The following BMPER variants were observed in gnomAD, a reference collection of about 807,000 sequenced individuals.
The protein encoded by BMPER is BMP-binding endothelial regulator protein.
Under a neutral mutation model 87.3 loss-of-function variants are expected in BMPER, and 45 were observed. The observed-to-expected ratio is 0.52, with a 90% CI of 0.41 to 0.66. The LOEUF (loss-of-function observed/expected upper bound fraction) is 0.66. BMPER is among the 30% of genes least tolerant of loss of function. The pLI, the probability that BMPER is intolerant of heterozygous loss-of-function variation, is 0.00. For missense variants in BMPER, 784 were observed against 867.5 expected (o/e 0.90, Z 1.21); for synonymous variants, 326 against 316.2 (o/e 1.03, Z -0.33).
At chr7:34,131,565 T>C (rs1790590187) in intron 13 of BMPER, among the ~76,000 whole-genome samples, 1 of 152,158 alleles carries the variant, frequency 6.6e-6, no homozygotes, top group Non-Finnish European at 1.5e-5. Context: ...TATGGAAGGA[T>C]CGGCCCCTTT....
chr7:34,141,199 C>G (rs1790857370), intron 13 of BMPER, among the ~76,000 whole-genome samples: 1 of 149,164 alleles, frequency 6.7e-6, no homozygotes, highest in South Asian at 2.2e-4. Flanking sequence ...TTTGGCTTCT[C>G]TTTGGAATTC....
At chr7:34,058,942 G>C (rs1478990070) in intron 10 of BMPER, among the ~76,000 whole-genome samples, 3 of 151,836 alleles carry the variant, frequency 2.0e-5, no homozygotes, top group African/African-American at 7.3e-5. Context: ...AACAAAAGTT[G>C]CTGTTTTTAC....
intron 6 of BMPER, among the ~76,000 whole-genome samples, chr7:34,039,800 C>T (rs1787787884): frequency 6.6e-6 from 1 of 151,984 alleles, no homozygotes; most frequent in African/African-American, 2.4e-5. Flanking sequence ...AGTGCACTGC[C>T]CTCTAGCTCT....
chr7:33,927,780 C>T (rs1015965029), intron 2 of BMPER, among the ~76,000 whole-genome samples: 2 of 152,158 alleles, frequency 1.3e-5, no homozygotes, highest in Non-Finnish European at 2.9e-5. Flanking sequence ...TTCTGAGCCC[C>T]GGATCCTACA....
At chr7:33,939,448 G>A (rs59234365) in intron 3 of BMPER, among the ~76,000 whole-genome samples, 5 of 152,026 alleles carry the variant, frequency 3.3e-5, no homozygotes, top group African/African-American at 7.2e-5. Context: ...CAACGCATTT[G>A]GGGGGAGGTC....
intron 3 of BMPER, among the ~76,000 whole-genome samples, chr7:33,962,343 C>T (rs1398033157): frequency 6.6e-6 from 1 of 152,090 alleles, no homozygotes; most frequent in Non-Finnish European, 1.5e-5. Flanking sequence ...AAAATATATA[C>T]AAAAGAAAAG....
At chr7:33,989,784 AT>A (rs1786148847) in intron 6 of BMPER, among the ~76,000 whole-genome samples, 2 of 152,128 alleles carry the variant, frequency 1.3e-5, no homozygotes, top group South Asian at 4.2e-4. Context: ...TCTTGAATTG[AT>A]TTTTGTATAA....
intron 6 of BMPER, among the ~76,000 whole-genome samples, chr7:34,023,828 AT>A (rs751949047): frequency 1.4e-4 from 22 of 152,010 alleles, no homozygotes; most frequent in Non-Finnish European, 3.2e-4. Flanking sequence ...GTTTTGGCCC[AT>A]TTTATTAAGA....
At chr7:34,034,377 G>A (rs1044243800) in intron 6 of BMPER, among the ~76,000 whole-genome samples, 1 of 152,244 alleles carries the variant, frequency 6.6e-6, no homozygotes, top group Admixed American at 6.5e-5. Flanking sequence ...CTAGAAAGTC[G>A]GAGTTCATGA....
intron 6 of BMPER, among the ~76,000 whole-genome samples, chr7:34,033,863 A>G (rs1787593095): frequency 6.6e-6 from 1 of 152,194 alleles, no homozygotes; most frequent in African/African-American, 2.4e-5. Context: ...TTAAACTTCT[A>G]TCCTTCTAGT....
intron 13 of BMPER, among the ~76,000 whole-genome samples, chr7:34,129,610 A>AGAGAGAAAG (rs1790507400): frequency 1.4e-4 from 10 of 69,664 alleles, no homozygotes; most frequent in African/African-American, 5.2e-4. Flanking sequence ...GAGAGAGAGA[A>AGAGAGAAAG]AGAGAGAGAG....
intron 13 of BMPER, among the ~76,000 whole-genome samples, chr7:34,142,187 G>C (rs1474656846): frequency 6.6e-6 from 1 of 152,170 alleles, no homozygotes; most frequent in East Asian, 1.9e-4. Flanking sequence ...ACTGGAAACT[G>C]TTAGGCAGTA....
At chr7:33,917,980 A>G (rs905014879) in intron 2 of BMPER, among the ~76,000 whole-genome samples, 5 of 152,102 alleles carry the variant, frequency 3.3e-5, no homozygotes, top group Admixed American at 2.0e-4. Flanking sequence ...TTGGGCCTCT[A>G]TAAGAAACAT....
intron 6 of BMPER, among the ~76,000 whole-genome samples, chr7:34,028,540 A>G (rs1376577697): frequency 7.1e-6 from 1 of 140,088 alleles, no homozygotes; most frequent in African/African-American, 2.6e-5. Flanking sequence ...TACTTTTCAT[A>G]TGTGATGGCA....
chr7:34,030,155 A>G (rs1787482993), intron 6 of BMPER, among the ~76,000 whole-genome samples: 1 of 152,060 alleles, frequency 6.6e-6, no homozygotes, highest in Non-Finnish European at 1.5e-5. Context: ...TCATATATAT[A>G]TAGGTGGGAA....
rs572835334 is a variant in BMPER at position 33,937,040 on chromosome 7, T to C, written c.220-249T>C. Among the ~76,000 whole-genome samples, 6 of 152,316 alleles carry C rather than the reference T, an allele frequency of 3.9e-5. No homozygotes were observed. The East Asian group carries it at 1.2e-3, about 29-fold the overall frequency. ...ACTTCTCCCTTGGCAATCGGTTATCTAGGTGAAGCTGGCTTTGTAAAGAAG... is the reference window on the plus strand; with the variant it reads ...ACTTCTCCCTTGGCAATCGGTTATCCAGGTGAAGCTGGCTTTGTAAAGAAG... On this transcript the variant is annotated intron_variant, in intron 2 of 14. Coordinates refer to ENST00000649409, the MANE Select transcript of BMPER (RefSeq NM_001365308.1).
At chr7:33,988,809 T>C (rs1786099622) in intron 6 of BMPER, among the ~76,000 whole-genome samples, 1 of 122,598 alleles carries the variant, frequency 8.2e-6, no homozygotes, top group Non-Finnish European at 1.6e-5. Flanking sequence ...TATTCCCCTT[T>C]CTGTGTCCAT....
chr7:33,971,322 G>A (rs1256710215), intron 5 of BMPER, among the ~76,000 whole-genome samples: 1 of 152,014 alleles, frequency 6.6e-6, no homozygotes, highest in Non-Finnish European at 1.5e-5. Context: ...CAAAGGCATG[G>A]TCCCTTTCAG....
chr7:33,960,707 A>C (rs1785247792), intron 3 of BMPER, among the ~76,000 whole-genome samples: 1 of 152,258 alleles, frequency 6.6e-6, no homozygotes, highest in African/African-American at 2.4e-5. Flanking sequence ...GCTCCAAGAA[A>C]GCTTTCCTGT....
Sources: gnomAD v4.1 joint callset for allele counts (sites outside exome capture counted in the v4.1 genomes callset) on GRCh38, gnomAD v4.1.1 for gene constraint, MANE v1.5 for transcripts, NCBI Gene and HGNC (gene_info 2026-07-23, HGNC 2026-07-21) for gene names.